Variants in BAZ1A observed in about 807,000 individuals in gnomAD.
BAZ1A encodes bromodomain adjacent to zinc finger domain 1A.
Under a neutral mutation model 185.2 loss-of-function variants are expected in BAZ1A, and 50 were observed. The ratio of observed to expected loss-of-function variants is 0.27; its 90% CI spans 0.22 to 0.34. BAZ1A has a LOEUF of 0.34. Ranked by LOEUF, BAZ1A falls within the 10% of genes least tolerant of loss-of-function variation. The pLI, the probability that BAZ1A is intolerant of heterozygous loss-of-function variation, is 1.00. For missense variants in BAZ1A, 1,356 were observed against 1,839.9 expected (o/e 0.74, Z 4.81); for synonymous variants, 571 against 615.6 (o/e 0.93, Z 1.07).
At chr14:34,847,891 G>A (rs1054735295) in intron 3 of BAZ1A, among the ~76,000 whole-genome samples, 4 of 151,950 alleles carry the variant, frequency 2.6e-5, no homozygotes, top group Middle Eastern at 3.4e-3. Flanking sequence ...ATAGTGTCTC[G>A]CTCTGTCACC....
intron 4 of BAZ1A, among the ~76,000 whole-genome samples, chr14:34,818,987 A>G (rs956230208): frequency 1.3e-4 from 20 of 151,818 alleles, no homozygotes; most frequent in South Asian, 1.2e-3. Context: ...TAAAAATACA[A>G]AAAATTAGCC....
intron 26 of BAZ1A, among the ~76,000 whole-genome samples, chr14:34,754,541 AATTATGTGATCATATAC>A (rs1295176563): frequency 6.6e-6 from 1 of 152,210 alleles, no homozygotes; most frequent in Non-Finnish European, 1.5e-5. Context: ...GAAACTATCC[AATTATGTGATCATATAC>A]ATTATGTGAT....
chr14:34,831,495 G>A (rs1456431438), intron 3 of BAZ1A, among the ~76,000 whole-genome samples: 1 of 152,216 alleles, frequency 6.6e-6, no homozygotes, highest in Non-Finnish European at 1.5e-5. Flanking sequence ...AGATGGCAAG[G>A]ATACTAGAGG....
At chr14:34,812,357 A>T (rs926288228) in intron 4 of BAZ1A, among the ~76,000 whole-genome samples, 1 of 152,222 alleles carries the variant, frequency 6.6e-6, no homozygotes, top group African/African-American at 2.4e-5. Flanking sequence ...AAGTAGCAGA[A>T]TGAATAAGGA....
At chr14:34,855,958 G>GA (rs2138802731) in intron 3 of BAZ1A, among the ~76,000 whole-genome samples, 1 of 152,122 alleles carries the variant, frequency 6.6e-6, no homozygotes, top group South Asian at 2.1e-4. Context: ...GCACACTTAA[G>GA]AAAAAGAACA....
At chr14:34,807,367 A>G (rs917580176) in intron 6 of BAZ1A, 84 bp downstream of exon 6, 4 of 943,868 alleles carry the variant, frequency 4.2e-6, no homozygotes, top group African/African-American at 3.4e-5. Flanking sequence ...CATCTTTGAA[A>G]TAACATTTCA....
intron 4 of BAZ1A, among the ~76,000 whole-genome samples, chr14:34,814,570 G>A (rs2041978135): frequency 6.6e-6 from 1 of 151,968 alleles, no homozygotes; most frequent in Non-Finnish European, 1.5e-5. Flanking sequence ...CCAGGCTCAA[G>A]TGATCCTCCT....
In BAZ1A at chr14:34,755,531, A is replaced by G. The variant is rs1053426344; in HGVS notation, c.4387-617T>C. Among the ~76,000 whole-genome samples the G allele has an allele frequency of 8.5e-5, 13 of 152,268 alleles. No homozygotes were observed. The Middle Eastern group carries it at 0.01, about 120-fold the overall frequency. ...TTTCTCCCTGAAACATCCTTACTGCATTTCTTAGTGTTGAAATTCTATCCT... is the reference window on the plus strand; with the variant it reads ...TTTCTCCCTGAAACATCCTTACTGCGTTTCTTAGTGTTGAAATTCTATCCT... On this transcript the variant is annotated intron_variant, in intron 25 of 26. Coordinates refer to ENST00000360310, the MANE Select transcript of BAZ1A (RefSeq NM_013448.3).
intron 25 of BAZ1A, among the ~76,000 whole-genome samples, chr14:34,755,492 G>A (rs553975050): frequency 2.0e-5 from 3 of 152,146 alleles, no homozygotes; most frequent in South Asian, 2.1e-4. Flanking sequence ...GGTGTCTACC[G>A]TATAGCATAT....
intron 3 of BAZ1A, among the ~76,000 whole-genome samples, chr14:34,855,010 C>T (rs1212567263): frequency 6.6e-6 from 1 of 152,060 alleles, no homozygotes; most frequent in Admixed American, 6.6e-5. Flanking sequence ...ACCCAGTAGG[C>T]GGAGGTTGCA....
intron 3 of BAZ1A, 106 bp from the exon 4 acceptor site, chr14:34,826,262 G>A: frequency 9.1e-7 from 1 of 1,093,718 alleles, no homozygotes; most frequent in Non-Finnish European, 1.3e-6. Flanking sequence ...TTTTGCAGAG[G>A]CTATAGCTGA....
chr14:34,814,116 G>T (rs1026231854), intron 4 of BAZ1A, among the ~76,000 whole-genome samples: 1 of 151,420 alleles, frequency 6.6e-6, no homozygotes, highest in Non-Finnish European at 1.5e-5. Flanking sequence ...TGAATTAGCA[G>T]CAGTTTAAGA....
At chr14:34,794,584 C>T (rs1427805215) in intron 11 of BAZ1A, among the ~76,000 whole-genome samples, 165 bp downstream of exon 11, 1 of 152,124 alleles carries the variant, frequency 6.6e-6, no homozygotes, top group Non-Finnish European at 1.5e-5. Context: ...TGAAGAGGAC[C>T]GAGGCACCAG....
Position 34,858,266 on chromosome 14 carries a change from A to AT in BAZ1A, c.392+3777dup, listed in dbSNP as rs1235704888. Among the ~76,000 whole-genome samples, 11 of 151,820 alleles carry AT rather than the reference A, an allele frequency of 7.2e-5. No individual in the cohort carries two copies. The East Asian group carries it at 1.9e-3, about 27-fold the overall frequency. On this transcript the variant is annotated intron_variant, in intron 3 of 26. Coordinates refer to ENST00000360310, the MANE Select transcript of BAZ1A (RefSeq NM_013448.3). ...TGTATTTTTCCACAATTAAAAAAAA[A>AT]TTTTTTTTTGAGACAGACTCGTGCT...
intron 4 of BAZ1A, among the ~76,000 whole-genome samples, chr14:34,823,551 T>A (rs1480442619): frequency 6.6e-6 from 1 of 151,694 alleles, no homozygotes; most frequent in African/African-American, 2.4e-5. Context: ...TCCCAGCTAC[T>A]AGAGGGGCTG....
chr14:34,854,892 C>T (rs1435926016), intron 3 of BAZ1A, among the ~76,000 whole-genome samples: 1 of 152,144 alleles, frequency 6.6e-6, no homozygotes, highest in African/African-American at 2.4e-5. Context: ...CTAGCCCTGC[C>T]AAGATGGCAA....
At chr14:34,838,610 C>T (rs1442081404) in intron 3 of BAZ1A, among the ~76,000 whole-genome samples, 3 of 151,886 alleles carry the variant, frequency 2.0e-5, no homozygotes, top group East Asian at 1.9e-4. Flanking sequence ...CAACCTCCTC[C>T]GCCTCCCAGG....
At chr14:34,862,886 T>C (rs1232466629) in intron 2 of BAZ1A, among the ~76,000 whole-genome samples, 1 of 151,722 alleles carries the variant, frequency 6.6e-6, no homozygotes, top group East Asian at 1.9e-4. Flanking sequence ...TAACAGGCAG[T>C]AGTGATAAGA....
At chr14:34,838,966 G>C (rs1020317652) in intron 3 of BAZ1A, among the ~76,000 whole-genome samples, 40 of 152,124 alleles carry the variant, frequency 2.6e-4, no homozygotes, top group Admixed American at 7.2e-4. Flanking sequence ...AATACACGAT[G>C]AAAGTAATAA....
Sources: gnomAD v4.1 joint callset for allele counts (sites outside exome capture counted in the v4.1 genomes callset) on GRCh38, gnomAD v4.1.1 for gene constraint, MANE v1.5 for transcripts, NCBI Gene and HGNC (gene_info 2026-07-23, HGNC 2026-07-21) for gene names.